Variants in OXR1 observed in about 807,000 individuals in gnomAD.
OXR1 encodes the protein oxidation resistance protein 1.
OXR1 carries 41 observed loss-of-function variants against 104.6 expected under a neutral mutation model. That is an observed-to-expected ratio of 0.39 (90% confidence interval 0.31 to 0.51). The LOEUF is 0.51. Among genes scored for constraint, OXR1 ranks in the 20% least tolerant of loss-of-function variants. The pLI is 0.77. For missense variants in OXR1, 955 were observed against 1,031.9 expected (o/e 0.93, Z 1.02); for synonymous variants, 348 against 348.4 (o/e 1.00, Z 0.01).
chr8:106,727,083 T>C (rs1833417046), intron 11 of OXR1, among the ~76,000 whole-genome samples: 1 of 152,218 alleles, frequency 6.6e-6, no homozygotes, highest in East Asian at 1.9e-4. Context: ...TTTTTAATTG[T>C]AATTTCAAAA....
chr8:106,719,954 C>T (rs1832681662), intron 11 of OXR1, among the ~76,000 whole-genome samples: 1 of 152,024 alleles, frequency 6.6e-6, no homozygotes, highest in Non-Finnish European at 1.5e-5. Flanking sequence ...TACAGGCGCC[C>T]GCCACCACGC....
chr8:106,328,258 TG>T, intron 1 of OXR1, among the ~76,000 whole-genome samples: 1 of 152,232 alleles, frequency 6.6e-6, no homozygotes, highest in South Asian at 2.1e-4. Flanking sequence ...TCCAGAAGAA[TG>T]GGAAACTGAT....
Position 106,715,270 on chromosome 8 carries a change from C to A in OXR1, c.1956+1285C>A, listed in dbSNP as rs73294476. On this transcript the variant is annotated intron_variant, in intron 11 of 16. Coordinates refer to ENST00000517566, the MANE Select transcript of OXR1 (RefSeq NM_001198533.2). ...CAAAAGGGCAAAACTAGTCAGAAATCCATCACACTACTTGATACTGGGCTG... is the reference window on the plus strand; with the variant it reads ...CAAAAGGGCAAAACTAGTCAGAAATACATCACACTACTTGATACTGGGCTG... 9.6e-3 allele frequency among the ~76,000 whole-genome samples: 1,451 copies of A among 151,770 alleles called. 27 individuals carry two copies. Among genetic ancestry groups the A allele is most frequent in the African/African-American group, 0.033 (1,356 of 41,398 alleles).
At chr8:106,406,117 C>G (rs1214102298) in intron 2 of OXR1, among the ~76,000 whole-genome samples, 1 of 152,006 alleles carries the variant, frequency 6.6e-6, no homozygotes, top group Non-Finnish European at 1.5e-5. Flanking sequence ...TGTATCTTAC[C>G]CCGACCTAAT....
intron 1 of OXR1, among the ~76,000 whole-genome samples, chr8:106,291,580 T>C (rs1812753344): frequency 6.6e-6 from 1 of 152,210 alleles, no homozygotes. Flanking sequence ...CAGTGGTCAA[T>C]CACAGTCTGA....
chr8:106,485,013 G>A (rs966087993), intron 2 of OXR1, among the ~76,000 whole-genome samples: 12 of 150,652 alleles, frequency 8.0e-5, no homozygotes, highest in African/African-American at 1.2e-4. Context: ...AAGAGCTCTC[G>A]AGCCATGAAA....
At chr8:106,435,072 T>A (rs973830241) in intron 2 of OXR1, among the ~76,000 whole-genome samples, 1 of 152,068 alleles carries the variant, frequency 6.6e-6, no homozygotes, top group Non-Finnish European at 1.5e-5. Context: ...ACAGTCAAGA[T>A]AAGAGCTGAA....
chr8:106,437,175 G>T (rs529097014), intron 2 of OXR1, among the ~76,000 whole-genome samples: 1 of 152,052 alleles, frequency 6.6e-6, no homozygotes, highest in Non-Finnish European at 1.5e-5. Context: ...CTGTACTTCC[G>T]TTAAAAAAAT....
At chr8:106,667,870 G>A (rs545657973) in intron 3 of OXR1, among the ~76,000 whole-genome samples, 8 of 151,794 alleles carry the variant, frequency 5.3e-5, no homozygotes, top group Non-Finnish European at 1.0e-4. Context: ...AAGGATGGAT[G>A]GGTGGTTAGA....
At chr8:106,518,485 C>A (rs1813014061) in intron 2 of OXR1, among the ~76,000 whole-genome samples, 2 of 152,256 alleles carry the variant, frequency 1.3e-5, no homozygotes, top group South Asian at 4.1e-4. Flanking sequence ...TGAATTCTAT[C>A]ATTTTTACAG....
chr8:106,607,893 A>C (rs1820525486), intron 3 of OXR1, among the ~76,000 whole-genome samples: 1 of 151,996 alleles, frequency 6.6e-6, no homozygotes, highest in Non-Finnish European at 1.5e-5. Context: ...AGTATGTAGC[A>C]AAGAGTTCAG....
intron 11 of OXR1, among the ~76,000 whole-genome samples, chr8:106,734,079 C>T (rs1834159077): frequency 6.6e-6 from 1 of 151,140 alleles, no homozygotes. Context: ...CAGCCTCAAC[C>T]TGCTGGGCTC....
chr8:106,685,223 T>C (rs1404985372), intron 6 of OXR1, among the ~76,000 whole-genome samples: 2 of 152,192 alleles, frequency 1.3e-5, no homozygotes, highest in African/African-American at 4.8e-5. Context: ...AATGACACAA[T>C]ACCTTTTTGA....
chr8:106,373,198 G>T (rs1816778117), intron 2 of OXR1, among the ~76,000 whole-genome samples: 1 of 152,100 alleles, frequency 6.6e-6, no homozygotes. Context: ...AGTATCCTTG[G>T]ATTTAGGTAT....
chr8:106,470,398 A>T (rs928834575), intron 2 of OXR1, among the ~76,000 whole-genome samples: 15 of 150,510 alleles, frequency 1.0e-4, no homozygotes, highest in East Asian at 5.9e-4. Context: ...AGTGTGAATA[A>T]AAGAAGGAAA....
chr8:106,658,194 A>G, intron 3 of OXR1: 1 of 1,238,086 alleles, frequency 8.1e-7, no homozygotes, highest in Non-Finnish European at 1.0e-6. Flanking sequence ...TGGTGAGCCC[A>G]CCTTTCTTTC....
At chr8:106,310,664 T>C (rs1368129756) in intron 1 of OXR1, among the ~76,000 whole-genome samples, 1 of 152,216 alleles carries the variant, frequency 6.6e-6, no homozygotes, top group Non-Finnish European at 1.5e-5. Flanking sequence ...TCACATTTGA[T>C]TGATAGTATA....
chr8:106,681,551 G>A (rs1211223111), intron 4 of OXR1, among the ~76,000 whole-genome samples: 1 of 151,964 alleles, frequency 6.6e-6, no homozygotes, highest in Non-Finnish European at 1.5e-5. Context: ...TGGAGACAGG[G>A]TCTTGCTTTG....
intron 16 of OXR1, among the ~76,000 whole-genome samples, 192 bp from the exon 17 acceptor site, chr8:106,750,614 G>A (rs1313829348): frequency 2.0e-5 from 3 of 152,092 alleles, no homozygotes; most frequent in African/African-American, 7.2e-5. Context: ...ACAGGCATGA[G>A]CCACCACACC....
Sources: gnomAD v4.1 joint callset for allele counts (sites outside exome capture counted in the v4.1 genomes callset) on GRCh38, gnomAD v4.1.1 for gene constraint, MANE v1.5 for transcripts, NCBI Gene and HGNC (gene_info 2026-07-23, HGNC 2026-07-21) for gene names.